Variants in THSD7A observed in about 807,000 individuals in gnomAD.
The protein encoded by THSD7A is thrombospondin type-1 domain-containing protein 7A.
Under a neutral mutation model 231.3 loss-of-function variants are expected in THSD7A, and 96 were observed. That is an observed-to-expected ratio of 0.41 (90% CI 0.35 to 0.49). The LOEUF (loss-of-function observed/expected upper bound fraction) is 0.49, where lower values mean the gene tolerates loss of function less well. Ranked by LOEUF, THSD7A falls within the 20% of genes least tolerant of loss-of-function variation. The probability of loss-of-function intolerance (pLI) is 0.05; values close to 1 mark genes in which losing one functional copy is unlikely to be tolerated. For missense variants in THSD7A, 2,290 were observed against 2,070.2 expected (o/e 1.11, Z -2.06); for synonymous variants, 940 against 743.3 (o/e 1.26, Z -4.30).
chr7:11,686,271 T>G (rs7802817), intron 1 of THSD7A, among the ~76,000 whole-genome samples: 103,028 of 151,492 alleles, frequency 0.68, 35,320 homozygotes, highest in African/African-American at 0.73. Context: ...ATCAATAGAA[T>G]CCCAAACCTC....
Position 11,484,874 on chromosome 7 carries a change from A to ATTTTTTTTTTTT in THSD7A, c.1823-2904_1823-2893dup, listed in dbSNP as rs56353626. Among the ~76,000 whole-genome samples the ATTTTTTTTTTTT allele has an allele frequency of 8.9e-3, 477 of 53,820 alleles. 94 individuals carry two copies. The highest frequency in any genetic ancestry group is 0.012 in the Admixed American group (30 of 2,592). 35.3% of individuals were successfully genotyped at this position (53,820 alleles called of 152,430 possible). ...CTCAACCCACTGAATCACAACCTTA[A>ATTTTTTTTTTTT]TTTTTTTTTTTTTTTTTTTTTTTTT... On this transcript the variant is annotated intron_variant, in intron 6 of 27. Transcript: ENST00000423059.
At chr7:11,763,836 G>T (rs1234061728) in intron 1 of THSD7A, among the ~76,000 whole-genome samples, 2 of 152,022 alleles carry the variant, frequency 1.3e-5, no homozygotes, top group African/African-American at 2.4e-5. Flanking sequence ...AGGATTTAAA[G>T]GTGATATGTT....
intron 1 of THSD7A, among the ~76,000 whole-genome samples, chr7:11,796,464 A>G (rs1350127832): frequency 6.6e-6 from 1 of 151,996 alleles, no homozygotes; most frequent in Non-Finnish European, 1.5e-5. Context: ...TCACACTTTC[A>G]TATTAATTTG....
At chr7:11,654,941 T>C (rs1171340651) in intron 1 of THSD7A, among the ~76,000 whole-genome samples, 3 of 151,920 alleles carry the variant, frequency 2.0e-5, no homozygotes, top group African/African-American at 2.4e-5. Flanking sequence ...CAGTTGCATA[T>C]TGAAGGAAAT....
chr7:11,821,633 T>C (rs898363674), intron 1 of THSD7A, among the ~76,000 whole-genome samples: 12 of 152,192 alleles, frequency 7.9e-5, no homozygotes, highest in African/African-American at 2.9e-4. Flanking sequence ...GTTTTATCAG[T>C]CTTGCATAGC....
At chr7:11,507,141 T>C (rs192052389) in intron 6 of THSD7A, among the ~76,000 whole-genome samples, 1 of 152,264 alleles carries the variant, frequency 6.6e-6, no homozygotes, top group African/African-American at 2.4e-5. Flanking sequence ...CTATGGACCT[T>C]GAAGCAAGCC....
chr7:11,543,121 G>C lies in THSD7A; in HGVS notation c.1454-4C>G. On this transcript the variant is annotated splice_region_variant and splice_polypyrimidine_tract_variant and intron_variant, in intron 4 of 27. Coordinates refer to ENST00000423059, the MANE Select transcript of THSD7A (RefSeq NM_015204.3). ...TTTAAGTCCATTGGCTTTGAGGCTA[G>C]AGAAAAATACAGACACATATTAAAA... 4 of 1,606,916 alleles carry C rather than the reference G, an allele frequency of 2.5e-6. No homozygotes were observed. The highest frequency in any genetic ancestry group is 1.1e-5 in the South Asian group (1 of 89,472).
chr7:11,720,703 G>A (rs1040070545), intron 1 of THSD7A, among the ~76,000 whole-genome samples: 4 of 151,650 alleles, frequency 2.6e-5, no homozygotes, highest in Non-Finnish European at 5.9e-5. Flanking sequence ...CTTGCACCAT[G>A]GCTACTATAG....
intron 4 of THSD7A, among the ~76,000 whole-genome samples, chr7:11,585,882 C>T (rs944337186): frequency 3.9e-5 from 6 of 152,112 alleles, no homozygotes; most frequent in African/African-American, 1.4e-4. Flanking sequence ...CCCATGCAGA[C>T]ATGGGAGGAA....
chr7:11,745,454 T>C (rs1253441641), intron 1 of THSD7A, among the ~76,000 whole-genome samples: 1 of 152,152 alleles, frequency 6.6e-6, no homozygotes, highest in African/African-American at 2.4e-5. Context: ...TTTATTTATA[T>C]CCCATTTGTC....
intron 1 of THSD7A, among the ~76,000 whole-genome samples, chr7:11,800,314 C>T (rs1224071853): frequency 2.6e-5 from 4 of 152,062 alleles, no homozygotes; most frequent in Non-Finnish European, 5.9e-5. Flanking sequence ...TTTTGGAGGC[C>T]GAGGTGAGAA....
intron 7 of THSD7A, among the ~76,000 whole-genome samples, chr7:11,476,279 A>T (rs1419604644): frequency 6.6e-6 from 1 of 150,922 alleles, no homozygotes; most frequent in East Asian, 2.0e-4. Context: ...TTAAAAAGTG[A>T]ATCACTTTTA....
Position 11,417,498 on chromosome 7 carries a change from A to G in THSD7A, c.3489T>C (p.Pro1163=). ...LGSRVCKLPC[P]EDCVISEWGP... Reference sequence around the variant, plus strand: ...CCCATTCAGATATCACACAGTCCTCAGGGCATGGTAATTTGCACACTCTAG... The same window carrying G: ...CCCATTCAGATATCACACAGTCCTCGGGGCATGGTAATTTGCACACTCTAG... The change falls in exon 17 of 28, where the codon CCT becomes CCC. Residue 1163 remains proline, a synonymous_variant. Transcript: ENST00000423059. 1 of 1,613,550 alleles carries G rather than the reference A, an allele frequency of 6.2e-7. No individual in the cohort carries two copies. Among genetic ancestry groups the G allele is most frequent in the Non-Finnish European group, 8.5e-7 (1 of 1,179,694 alleles).
intron 2 of THSD7A, among the ~76,000 whole-genome samples, chr7:11,610,834 C>A (rs112408011): frequency 2.6e-5 from 4 of 152,024 alleles, no homozygotes; most frequent in Non-Finnish European, 5.9e-5. Flanking sequence ...GAAAAGTGCC[C>A]ATTGTTGGCT....
rs1783569241 is a variant in THSD7A, at chr7:11,406,020, T to C, written c.4237+280A>G. 6.6e-6 allele frequency among the ~76,000 whole-genome samples: 1 copy of C among 152,196 alleles called. No homozygotes were observed. Among genetic ancestry groups the C allele is most frequent in the African/African-American group, 2.4e-5 (1 of 41,460 alleles). On this transcript the variant is annotated intron_variant, in intron 22 of 27. Coordinates refer to ENST00000423059, the MANE Select transcript of THSD7A (RefSeq NM_015204.3). This position sits in a 1 kb window ranked among gnomAD's most constrained non-coding sequence, Gnocchi z 4.7. The stretch of plus-strand genomic sequence containing the variant: ...CTCATCTTTTATTTCATAACTTTTC[T>C]GTGGAGCATGGGCTTAAGGCCTTAA...
At chr7:11,470,426 A>G (rs10252863) in intron 8 of THSD7A, among the ~76,000 whole-genome samples, 52,105 of 151,768 alleles carry the variant, frequency 0.34, 9,206 homozygotes, top group Admixed American at 0.46. Context: ...TTATTCTACA[A>G]TTTATTTTTA....
intron 1 of THSD7A, among the ~76,000 whole-genome samples, chr7:11,824,192 G>T (rs6953577): frequency 0.04 from 6,156 of 152,074 alleles, 429 homozygotes; most frequent in African/African-American, 0.13. Context: ...TTTCTCAAGT[G>T]CCACATGCTC....
intron 1 of THSD7A, among the ~76,000 whole-genome samples, chr7:11,642,545 T>C (rs1782124490): frequency 6.6e-6 from 1 of 152,180 alleles, no homozygotes; most frequent in African/African-American, 2.4e-5. Context: ...AGATTTTATG[T>C]AAATCCAGAA....
At chr7:11,747,783 T>A (rs911548858) in intron 1 of THSD7A, among the ~76,000 whole-genome samples, 5 of 151,896 alleles carry the variant, frequency 3.3e-5, no homozygotes, top group African/African-American at 1.2e-4. Context: ...GGATAAAGTC[T>A]CAGAGGAAGT....
Sources: allele counts gnomAD v4.1 joint callset (sites outside exome capture counted in the v4.1 genomes callset), GRCh38; gene constraint gnomAD v4.1.1; non-coding constraint Gnocchi (gnomAD v3.1); transcripts MANE v1.5; gene names NCBI Gene and HGNC (gene_info 2026-07-23, HGNC 2026-07-21).